Variants in SETBP1 observed in about 807,000 individuals in gnomAD.
The protein encoded by SETBP1 is SET binding protein 1, also known as SET-binding protein.
SETBP1 carries 9 observed loss-of-function variants against 101.0 expected under a neutral mutation model. The observed-to-expected ratio is 0.09, with a 90% CI of 0.05 to 0.16. The LOEUF is 0.16. Ranked by LOEUF, SETBP1 falls within the 10% of genes least tolerant of loss-of-function variation. The pLI is 1.00. For missense variants in SETBP1, 1,858 were observed against 2,033.8 expected (o/e 0.91, Z 1.66); for synonymous variants, 818 against 788.5 (o/e 1.04, Z -0.63).
chr18:44,980,254 A>G (rs1265939687), intron 4 of SETBP1, among the ~76,000 whole-genome samples: 2 of 152,210 alleles, frequency 1.3e-5, no homozygotes, highest in Non-Finnish European at 2.9e-5. Flanking sequence ...CTGAAATAAG[A>G]CTAGAAATAG....
chr18:44,860,122 A>C (rs2068970445), intron 2 of SETBP1, among the ~76,000 whole-genome samples: 1 of 152,234 alleles, frequency 6.6e-6, no homozygotes, highest in Non-Finnish European at 1.5e-5. Context: ...TCTTGGGCCA[A>C]GTGAGCAGAT....
chr18:44,838,494 T>A (rs1041440169), intron 2 of SETBP1, among the ~76,000 whole-genome samples: 1 of 152,196 alleles, frequency 6.6e-6, no homozygotes, highest in Non-Finnish European at 1.5e-5. Context: ...ACTGGGAACA[T>A]CTGGGTCCCT....
rs751346015 is a variant in SETBP1 at position 44,950,882 on chromosome 18, A to C, written c.1542A>C (p.Pro514=). 6.2e-7 allele frequency: 1 copy of C among 1,614,190 alleles called. No individual in the cohort carries two copies. Among genetic ancestry groups the C allele is most frequent in the Non-Finnish European group, 8.5e-7 (1 of 1,180,032 alleles). ...MTPPTCTDHS[P]SRKLPEIQHP... is the part of the protein sequence containing the mutation. ...CTCCAACGTGCACAGATCACTCTCC[A>C]TCCAGAAAGCTGCCAGAAATCCAGC... Residue 514 remains proline, a synonymous_variant, in exon 4 of 6, where the codon CCA becomes CCC. Transcript: ENST00000649279.
intron 4 of SETBP1, among the ~76,000 whole-genome samples, chr18:45,003,144 CT>C (rs1406814423): frequency 6.6e-6 from 1 of 152,140 alleles, no homozygotes; most frequent in African/African-American, 2.4e-5. Context: ...GGTATATTTT[CT>C]TTTAAAATTA....
At chr18:45,026,644 G>GT (rs1011285202) in intron 4 of SETBP1, among the ~76,000 whole-genome samples, 3 of 152,098 alleles carry the variant, frequency 2.0e-5, no homozygotes, top group Admixed American at 2.0e-4. Context: ...GCACGCATTG[G>GT]TTTTTTTCCT....
At position 45,060,377 on chromosome 18, in the gene SETBP1, GT is replaced by G. The variant is rs538210884; in HGVS notation, c.4172-2699del. Among the ~76,000 whole-genome samples, 107 of 152,128 alleles carry G rather than the reference GT, an allele frequency of 7.0e-4. 2 individuals are homozygous for G. The South Asian group carries it at 0.02, about 29-fold the overall frequency. On this transcript the variant is annotated intron_variant, in intron 5 of 5. Coordinates refer to ENST00000649279, the MANE Select transcript of SETBP1 (RefSeq NM_015559.3). ...CACCAACAGTATGTGAGTGTTCCTA[GT>G]TTCTTACATCATTACCAATACTAGG...
At position 44,910,178 on chromosome 18, in the gene SETBP1, G is replaced by A. The variant is rs532152998; in HGVS notation, c.541-39703G>A. ...AGATTGTTGTTAACTGGAGCAGGAG[G>A]TTCTCACTAAAAACATGCCGACTCC... On this transcript the variant is annotated intron_variant, in intron 3 of 5. Coordinates refer to ENST00000649279, the MANE Select transcript of SETBP1 (RefSeq NM_015559.3). Among the ~76,000 whole-genome samples the A allele has an allele frequency of 9.2e-5, 14 of 152,226 alleles. No individual in the cohort carries two copies. The East Asian group carries it at 2.5e-3, about 27-fold the overall frequency.
At chr18:44,758,070 G>C (rs538633436) in intron 2 of SETBP1, among the ~76,000 whole-genome samples, 5 of 152,114 alleles carry the variant, frequency 3.3e-5, no homozygotes, top group African/African-American at 1.2e-4. Context: ...GGAGAACAGG[G>C]AAATCCCAGC....
At chr18:44,953,380 T>A in intron 4 of SETBP1, 40 bp downstream of exon 4, 1 of 1,566,442 alleles carries the variant, frequency 6.4e-7, no homozygotes, top group Non-Finnish European at 8.8e-7. Flanking sequence ...ATCAAGTTAT[T>A]TCATTGCTGG....
At chr18:44,713,570 G>T (rs1172997052) in intron 2 of SETBP1, among the ~76,000 whole-genome samples, 3 of 152,092 alleles carry the variant, frequency 2.0e-5, no homozygotes, top group Admixed American at 6.5e-5. Context: ...GTACAATACT[G>T]GGAGGTGATC....
intron 2 of SETBP1, among the ~76,000 whole-genome samples, chr18:44,742,947 T>TTCTCTC (rs756180174): frequency 6.9e-6 from 1 of 144,542 alleles, no homozygotes; most frequent in African/African-American, 2.6e-5. Context: ...CTCTCCCTCC[T>TTCTCTC]TCTCTCTCTC....
chr18:44,747,975 G>A (rs1328050577), intron 2 of SETBP1, among the ~76,000 whole-genome samples: 1 of 152,182 alleles, frequency 6.6e-6, no homozygotes, highest in Admixed American at 6.5e-5. Context: ...GGTTGTATTT[G>A]TAAAGATGCT....
intron 3 of SETBP1, among the ~76,000 whole-genome samples, chr18:44,898,666 C>G (rs1162278443): frequency 1.3e-5 from 2 of 152,068 alleles, no homozygotes; most frequent in Admixed American, 1.3e-4. Context: ...ACAGTCTTGC[C>G]AAGCAGAGTT....
chr18:44,964,579 T>G (rs1255626774), intron 4 of SETBP1, among the ~76,000 whole-genome samples: 1 of 138,936 alleles, frequency 7.2e-6, no homozygotes, highest in Non-Finnish European at 1.6e-5. Context: ...TTTGAAAACG[T>G]TTTTATTATC....
intron 2 of SETBP1, among the ~76,000 whole-genome samples, chr18:44,787,636 T>C (rs998000298): frequency 6.7e-6 from 1 of 148,970 alleles, no homozygotes; most frequent in Non-Finnish European, 1.5e-5. Flanking sequence ...GGGTGGATCA[T>C]GAGGTCAGGA....
At chr18:44,797,091 G>A (rs186076870) in intron 2 of SETBP1, among the ~76,000 whole-genome samples, 2 of 152,154 alleles carry the variant, frequency 1.3e-5, no homozygotes, top group South Asian at 4.1e-4. Flanking sequence ...GGCAGATCCT[G>A]GTGTGTGTTA....
intron 2 of SETBP1, among the ~76,000 whole-genome samples, chr18:44,744,731 G>C (rs1258220914): frequency 1.3e-5 from 2 of 151,226 alleles, no homozygotes; most frequent in Non-Finnish European, 2.9e-5. Context: ...GCGCGCCGGA[G>C]CGCAGGGAGA....
intron 4 of SETBP1, among the ~76,000 whole-genome samples, chr18:45,017,582 G>A (rs1212942231): frequency 6.6e-6 from 1 of 152,226 alleles, no homozygotes; most frequent in Non-Finnish European, 1.5e-5. Context: ...CAGAGACAAA[G>A]AGGTGGCTGT....
At chr18:44,821,406 A>T (rs1292733959) in intron 2 of SETBP1, among the ~76,000 whole-genome samples, 1 of 152,094 alleles carries the variant, frequency 6.6e-6, no homozygotes, top group Non-Finnish European at 1.5e-5. Context: ...GTCCCTATAC[A>T]TCCTTGCGGG....
Sources: allele counts gnomAD v4.1 joint callset (sites outside exome capture counted in the v4.1 genomes callset), GRCh38; gene constraint gnomAD v4.1.1; transcripts MANE v1.5; gene names NCBI Gene and HGNC (gene_info 2026-07-23, HGNC 2026-07-21).